Variants in ADCY8 observed in about 807,000 individuals in gnomAD.
ADCY8 encodes the protein adenylate cyclase 8, also known as adenylate cyclase type 8.
In ADCY8, 51 loss-of-function variants were observed where a neutral mutation model predicts 119.7. The ratio of observed to expected loss-of-function variants is 0.43; its 90% confidence interval spans 0.34 to 0.54. ADCY8 has a LOEUF of 0.54. Among genes scored for constraint, ADCY8 ranks in the 20% least tolerant of loss-of-function variants. The pLI is 0.03. For synonymous variants in ADCY8, 665 were observed against 651.0 expected (o/e 1.02, Z -0.33); for missense variants, 1,383 against 1,598.8 (o/e 0.87, Z 2.30).
At chr8:130,830,665 A>T (rs985941062) in intron 12 of ADCY8, among the ~76,000 whole-genome samples, 27 of 152,144 alleles carry the variant, frequency 1.8e-4, no homozygotes, top group African/African-American at 6.5e-4. Flanking sequence ...CAACATAGCC[A>T]CTTCACTGTC....
intron 5 of ADCY8, among the ~76,000 whole-genome samples, chr8:130,934,313 C>T: frequency 6.6e-6 from 1 of 152,266 alleles, no homozygotes; most frequent in East Asian, 1.9e-4. Context: ...AGGAAACTTA[C>T]AATCATGGCA....
At chr8:131,012,397 A>G (rs1823336636) in intron 1 of ADCY8, among the ~76,000 whole-genome samples, 1 of 152,184 alleles carries the variant, frequency 6.6e-6, no homozygotes, top group African/African-American at 2.4e-5. Context: ...CCAAGACTCA[A>G]CTGCAGCAAA....
Position 130,988,479 on chromosome 8 carries a change from G to A in ADCY8, c.1110+1914C>T, listed in dbSNP as rs542767902. Among the ~76,000 whole-genome samples, 27 of 152,244 alleles carry A rather than the reference G, an allele frequency of 1.8e-4. No individual in the cohort carries two copies. The South Asian group carries it at 2.3e-3, about 13-fold the overall frequency. ...TGAAACTGACTTATATGTTTGTATT[G>A]CTTTCTACATAGTATCTCATTTGAG... is the stretch of plus-strand genomic sequence containing the variant. On this transcript the variant is annotated intron_variant, in intron 2 of 17. Transcript: ENST00000286355.
At chr8:130,840,833 A>G (rs1008501894) in intron 11 of ADCY8, among the ~76,000 whole-genome samples, 2 of 152,090 alleles carry the variant, frequency 1.3e-5, no homozygotes, top group Non-Finnish European at 1.5e-5. Flanking sequence ...TTTGTATGAG[A>G]AATGTTAGGT....
At chr8:130,953,399 A>G (rs1366653943) in intron 2 of ADCY8, among the ~76,000 whole-genome samples, 1 of 152,138 alleles carries the variant, frequency 6.6e-6, no homozygotes, top group Non-Finnish European at 1.5e-5. Flanking sequence ...TTCTCTCGAA[A>G]CCCTGACAAT....
intron 2 of ADCY8, among the ~76,000 whole-genome samples, chr8:130,989,135 G>T (rs987739704): frequency 6.6e-6 from 1 of 152,156 alleles, no homozygotes; most frequent in African/African-American, 2.4e-5. Flanking sequence ...GCTATTCAGA[G>T]AAACTACTAT....
chr8:131,035,660 T>C (rs1228669200), intron 1 of ADCY8, among the ~76,000 whole-genome samples: 1 of 152,116 alleles, frequency 6.6e-6, no homozygotes, highest in Non-Finnish European at 1.5e-5. Context: ...GAAAGCAGAT[T>C]CTCATAGCTT....
At chr8:130,923,447 T>A (rs548956154) in intron 5 of ADCY8, among the ~76,000 whole-genome samples, 1 of 152,356 alleles carries the variant, frequency 6.6e-6, no homozygotes, top group Admixed American at 6.5e-5. Context: ...TTAAGACCTT[T>A]ACTCTGATTA....
chr8:130,903,337 C>T, intron 7 of ADCY8, among the ~76,000 whole-genome samples: 1 of 151,998 alleles, frequency 6.6e-6, no homozygotes, highest in East Asian at 1.9e-4. Flanking sequence ...CAGTGCCCCC[C>T]TGATTTTGAA....
chr8:130,821,454 G>C, intron 12 of ADCY8, 34 bp from the exon 13 acceptor site: 1 of 1,557,444 alleles, frequency 6.4e-7, no homozygotes, highest in Non-Finnish European at 8.8e-7. Context: ...ATAACCATGG[G>C]GGGACTTCAA....
intron 9 of ADCY8, among the ~76,000 whole-genome samples, chr8:130,850,296 A>G (rs1264683880): frequency 6.6e-6 from 1 of 152,278 alleles, no homozygotes; most frequent in Non-Finnish European, 1.5e-5. Context: ...TATTTGAGAC[A>G]TGGGTAAGGA....
At chr8:131,006,857 C>T (rs187635660) in intron 1 of ADCY8, among the ~76,000 whole-genome samples, 140 of 152,282 alleles carry the variant, frequency 9.2e-4, no homozygotes, top group African/African-American at 3.1e-3. Context: ...CAGATGACAA[C>T]GTTTCCATGG....
chr8:130,869,508 AT>A (rs1354498800), intron 8 of ADCY8, among the ~76,000 whole-genome samples: 1 of 137,098 alleles, frequency 7.3e-6, no homozygotes, highest in African/African-American at 2.8e-5. Context: ...TATTTTGTTT[AT>A]TTTTTTTTGT....
chr8:131,039,697 C>T lies in ADCY8; in HGVS notation c.637G>A (p.Gly213Ser), dbSNP rs1824296763. ...LASAPMDPLKGILLGFFTGIE... is the reference protein window; with the variant it reads ...LASAPMDPLKSILLGFFTGIE... Reference sequence around the variant, plus strand: ...CCGGTGAAGAAGCCCAGCAGGATGCCCTTGAGCGGGTCCATGGGGGCCGAG... The same window carrying T: ...CCGGTGAAGAAGCCCAGCAGGATGCTCTTGAGCGGGTCCATGGGGGCCGAG... The change falls in exon 1 of 18, where the codon GGC (glycine) becomes AGC (serine). Residue 213 changes from glycine (G) to serine (S), a missense_variant. Coordinates refer to ENST00000286355, the MANE Select transcript of ADCY8 (RefSeq NM_001115.3). 1.1e-5 allele frequency: 17 copies of T among 1,614,086 alleles called. No individual in the cohort carries two copies. The highest frequency in any genetic ancestry group is 1.4e-5 in the Non-Finnish European group (16 of 1,180,022).
At chr8:131,013,147 G>A (rs892903900) in intron 1 of ADCY8, among the ~76,000 whole-genome samples, 1 of 152,096 alleles carries the variant, frequency 6.6e-6, no homozygotes, top group Non-Finnish European at 1.5e-5. Flanking sequence ...TATGACTGAG[G>A]CATTTAGATT....
chr8:130,866,013 G>T (rs1209852765), intron 9 of ADCY8, among the ~76,000 whole-genome samples: 1 of 152,108 alleles, frequency 6.6e-6, no homozygotes, highest in Non-Finnish European at 1.5e-5. Flanking sequence ...TTGTTCCCCG[G>T]TGTGACATGC....
chr8:130,970,814 A>T (rs1287718235), intron 2 of ADCY8, among the ~76,000 whole-genome samples: 2 of 152,100 alleles, frequency 1.3e-5, no homozygotes, highest in African/African-American at 4.8e-5. Flanking sequence ...ATGAAAACAG[A>T]CCCGTTAGGT....
At chr8:130,802,444 G>T (rs949360654) in intron 14 of ADCY8, among the ~76,000 whole-genome samples, 6 of 152,068 alleles carry the variant, frequency 3.9e-5, no homozygotes, top group African/African-American at 1.2e-4. Flanking sequence ...CCATTCAAAG[G>T]CATCCTTCAC....
intron 3 of ADCY8, among the ~76,000 whole-genome samples, chr8:130,949,049 G>A (rs1821195609): frequency 6.6e-6 from 1 of 152,074 alleles, no homozygotes; most frequent in Non-Finnish European, 1.5e-5. Context: ...CTGAAAACGC[G>A]GAGACACGGA....
Sources: gnomAD v4.1 joint callset for allele counts (sites outside exome capture counted in the v4.1 genomes callset) on GRCh38, gnomAD v4.1.1 for gene constraint, MANE v1.5 for transcripts, NCBI Gene and HGNC (gene_info 2026-07-23, HGNC 2026-07-21) for gene names.